NAALADL2: variants seen among roughly 807,000 people sequenced by gnomAD.
NAALADL2 encodes inactive N-acetylated-alpha-linked acidic dipeptidase-like protein 2.
Under a neutral mutation model 87.2 loss-of-function variants are expected in NAALADL2, and 76 were observed. The observed-to-expected ratio is 0.87, with a 90% confidence interval of 0.72 to 1.05. NAALADL2 has a LOEUF of 1.05. Ranked by LOEUF, NAALADL2 falls within the 50% of genes least tolerant of loss-of-function variation. NAALADL2 has a pLI of 0.00. For missense variants in NAALADL2, 1,089 were observed against 945.8 expected, an observed-to-expected ratio of 1.15 and a Z score of -1.99; for synonymous variants, 354 against 331.0, an observed-to-expected ratio of 1.07 and a Z score of -0.75.
chr3:174,455,556 A>G (rs1403939291), intron 1 of NAALADL2, among the ~76,000 whole-genome samples: 1 of 152,132 alleles, frequency 6.6e-6, no homozygotes, highest in Non-Finnish European at 1.5e-5. Context: ...TAGGGTGCAG[A>G]GTTGGTTCAA....
chr3:175,295,052 G>A (rs1455207111), intron 4 of NAALADL2, among the ~76,000 whole-genome samples: 1 of 152,192 alleles, frequency 6.6e-6, no homozygotes, highest in East Asian at 1.9e-4. Flanking sequence ...GGGTTACTGT[G>A]AGAATTGCAT....
At chr3:174,647,174 A>G (rs989567727) in intron 2 of NAALADL2, among the ~76,000 whole-genome samples, 3 of 152,232 alleles carry the variant, frequency 2.0e-5, no homozygotes, top group African/African-American at 4.8e-5. Flanking sequence ...CAGCAACACT[A>G]TAATGTAGTA....
intron 5 of NAALADL2, among the ~76,000 whole-genome samples, chr3:175,349,362 G>A (rs1763495648): frequency 6.6e-6 from 1 of 152,122 alleles, no homozygotes; most frequent in South Asian, 2.1e-4. Context: ...ACCAAGGCCA[G>A]GTGGCAGGAA....
At chr3:175,399,186 T>C (rs1264030246) in intron 5 of NAALADL2, among the ~76,000 whole-genome samples, 1 of 152,194 alleles carries the variant, frequency 6.6e-6, no homozygotes, top group East Asian at 1.9e-4. Flanking sequence ...TTAATTACTA[T>C]ATTTTGCAAG....
chr3:174,538,371 A>C (rs1387577026), intron 1 of NAALADL2, among the ~76,000 whole-genome samples: 1 of 152,142 alleles, frequency 6.6e-6, no homozygotes, highest in Non-Finnish European at 1.5e-5. Flanking sequence ...GAATTTAGGC[A>C]CAGCTGGCCA....
chr3:174,506,777 A>C (rs902825584), intron 1 of NAALADL2, among the ~76,000 whole-genome samples: 2 of 152,160 alleles, frequency 1.3e-5, no homozygotes, highest in African/African-American at 2.4e-5. Flanking sequence ...GTATGTCAGC[A>C]TTGTTTTATT....
intron 1 of NAALADL2, among the ~76,000 whole-genome samples, chr3:175,011,047 T>C (rs1484292350): frequency 1.3e-5 from 2 of 152,162 alleles, no homozygotes; most frequent in South Asian, 2.1e-4. Flanking sequence ...CCAAAATGTC[T>C]TGGCTCTTGG....
intron 2 of NAALADL2, among the ~76,000 whole-genome samples, chr3:175,147,686 T>C (rs1035020672): frequency 2.0e-5 from 3 of 152,198 alleles, no homozygotes; most frequent in African/African-American, 7.2e-5. Flanking sequence ...CCACAGTGGC[T>C]AAACTAATTT....
At position 175,451,117 on chromosome 3, in the gene NAALADL2, A is replaced by C. The variant is rs1220461243; in HGVS notation, c.1234+3745A>C. Reference sequence around the variant, plus strand: ...CTAAATAAAGCCTTGTCTGAAGCCAAATCTATTGAACTTTTCGTATATATG... The same window carrying C: ...CTAAATAAAGCCTTGTCTGAAGCCACATCTATTGAACTTTTCGTATATATG... On this transcript the variant is annotated intron_variant, in intron 6 of 13. Coordinates refer to ENST00000454872, the MANE Select transcript of NAALADL2 (RefSeq NM_207015.3). Among the ~76,000 whole-genome samples, 5 of 152,130 alleles carry C rather than the reference A, an allele frequency of 3.3e-5. 1 individual carries two copies. Among genetic ancestry groups the C allele is most frequent in the African/African-American group, 7.2e-5 (3 of 41,440 alleles).
chr3:174,461,390 T>G (rs2108292300), intron 1 of NAALADL2, among the ~76,000 whole-genome samples: 1 of 152,236 alleles, frequency 6.6e-6, no homozygotes, highest in Middle Eastern at 3.4e-3. Context: ...TTCTTTTCAA[T>G]AAAGTTTATC....
At chr3:174,520,779 A>G (rs1720226802) in intron 1 of NAALADL2, among the ~76,000 whole-genome samples, 1 of 152,220 alleles carries the variant, frequency 6.6e-6, no homozygotes, top group Admixed American at 6.5e-5. Context: ...CAATTTACAG[A>G]ATGTGAGAAA....
At chr3:175,193,754 T>C (rs1488351814) in intron 2 of NAALADL2, among the ~76,000 whole-genome samples, 3 of 152,026 alleles carry the variant, frequency 2.0e-5, no homozygotes, top group Admixed American at 6.5e-5. Context: ...TTTATTAATA[T>C]GCTACTTTGA....
At chr3:174,765,733 A>G (rs771395158) in intron 3 of NAALADL2, among the ~76,000 whole-genome samples, 1 of 152,204 alleles carries the variant, frequency 6.6e-6, no homozygotes, top group African/African-American at 2.4e-5. Context: ...ATTCAGTAGA[A>G]TGCCATTTAT....
chr3:175,055,804 A>G lies in NAALADL2; in HGVS notation c.44-40986A>G, dbSNP rs960240211. On this transcript the variant is annotated intron_variant, in intron 1 of 13. Transcript: ENST00000454872. ...CCACAGTTAAAACAAGCTCCAGGAA[A>G]CAAAGTATTTCCTTTATCCACTCTC... Among the ~76,000 whole-genome samples, 6 of 152,228 alleles carry G rather than the reference A, an allele frequency of 3.9e-5. No individual in the cohort carries two copies. In the East Asian group the frequency reaches 1.2e-3, roughly 29 times the overall value.
chr3:175,391,452 A>C (rs1357262716), intron 5 of NAALADL2, among the ~76,000 whole-genome samples: 1 of 152,180 alleles, frequency 6.6e-6, no homozygotes, highest in Non-Finnish European at 1.5e-5. Context: ...GCCATATTGC[A>C]AACTTCCCTT....
At chr3:174,444,653 A>G (rs1181025060) in intron 1 of NAALADL2, among the ~76,000 whole-genome samples, 5 of 152,208 alleles carry the variant, frequency 3.3e-5, no homozygotes, top group African/African-American at 4.8e-5. Flanking sequence ...CGTGGAGCTT[A>G]TAACTACAGT....
chr3:174,987,587 A>AAC (rs1162474970), intron 1 of NAALADL2, among the ~76,000 whole-genome samples: 1 of 141,926 alleles, frequency 7.0e-6, no homozygotes, highest in East Asian at 2.0e-4. Context: ...AAAAAAAAAA[A>AAC]AAAAAAAAAA....
intron 11 of NAALADL2, among the ~76,000 whole-genome samples, chr3:175,644,202 T>C (rs1582749799): frequency 6.6e-6 from 1 of 152,282 alleles, no homozygotes; most frequent in South Asian, 2.1e-4. Context: ...TTTTTGTCAA[T>C]TTCATGTGTT....
At chr3:174,924,804 G>T (rs184286463) in intron 1 of NAALADL2, among the ~76,000 whole-genome samples, 1,951 of 152,266 alleles carry the variant, frequency 0.013, 14 homozygotes, top group Non-Finnish European at 0.018. Context: ...GCATTTCTCT[G>T]ATGGCCAGTG....
Sources: gnomAD v4.1 joint callset for allele counts (sites outside exome capture counted in the v4.1 genomes callset) on GRCh38, gnomAD v4.1.1 for gene constraint, MANE v1.5 for transcripts, NCBI Gene and HGNC (gene_info 2026-07-23, HGNC 2026-07-21) for gene names.